The following PTPN13 variants were observed in gnomAD, a reference collection of about 807,000 sequenced individuals.
PTPN13 encodes the protein tyrosine-protein phosphatase non-receptor type 13.
In PTPN13, 191 loss-of-function variants were observed where a neutral mutation model predicts 284.0. The ratio of observed to expected loss-of-function variants is 0.67; its 90% CI spans 0.60 to 0.76. The LOEUF (loss-of-function observed/expected upper bound fraction) is 0.76. PTPN13 is among the 30% of genes least tolerant of loss of function. The probability of loss-of-function intolerance (pLI) is 0.00; values close to 1 mark genes in which losing one functional copy is unlikely to be tolerated. For synonymous variants in PTPN13, 986 were observed against 1,022.3 expected, an observed-to-expected ratio of 0.96 and a Z score of 0.68; for missense variants, 2,797 against 2,939.9, an observed-to-expected ratio of 0.95 and a Z score of 1.12.
intron 1 of PTPN13, among the ~76,000 whole-genome samples, chr4:86,623,616 A>T (rs1478516820): frequency 6.6e-6 from 1 of 152,152 alleles, no homozygotes; most frequent in Non-Finnish European, 1.5e-5. Flanking sequence ...AGAATTTTAG[A>T]CTTTAGGGAT....
At chr4:86,609,624 A>G (rs538061533) in intron 1 of PTPN13, among the ~76,000 whole-genome samples, 1 of 152,318 alleles carries the variant, frequency 6.6e-6, no homozygotes, top group Admixed American at 6.5e-5. Flanking sequence ...ATTAAATAGC[A>G]TAACTTATTT....
At chr4:86,782,906 C>A (rs144380540) in intron 37 of PTPN13, among the ~76,000 whole-genome samples, 26 of 152,130 alleles carry the variant, frequency 1.7e-4, no homozygotes, top group African/African-American at 6.0e-4. Context: ...TTGTGGTTTT[C>A]TTCCTGGTAT....
At chr4:86,680,415 C>G (rs1468408833) in intron 3 of PTPN13, among the ~76,000 whole-genome samples, 1 of 151,808 alleles carries the variant, frequency 6.6e-6, no homozygotes, top group Non-Finnish European at 1.5e-5. Context: ...ATCTCTATCT[C>G]TGTCTCCATC....
At chr4:86,767,398 A>G (rs1739459588) in intron 27 of PTPN13, among the ~76,000 whole-genome samples, 1 of 151,938 alleles carries the variant, frequency 6.6e-6, no homozygotes, top group Non-Finnish European at 1.5e-5. Context: ...GGTGCCCACC[A>G]CGACACCTGG....
At chr4:86,628,364 A>G (rs955370721) in intron 1 of PTPN13, among the ~76,000 whole-genome samples, 1 of 151,978 alleles carries the variant, frequency 6.6e-6, no homozygotes, top group African/African-American at 2.4e-5. Context: ...TGCCAGCCGT[A>G]TATCTTCTCT....
rs1008339959 is a variant in PTPN13, at chr4:86,691,474, A to C, written c.547-2113A>C. Among the ~76,000 whole-genome samples, 8 of 152,232 alleles carry C rather than the reference A, an allele frequency of 5.3e-5. No individual in the cohort carries two copies. The South Asian group carries it at 1.0e-3, about 20-fold the overall frequency. ...AAGACAAATTTTTACTAAGTATAAT[A>C]ATGCTCCCCTTACCTTTCTATTGCT... On this transcript the variant is annotated intron_variant, in intron 5 of 47. Transcript: ENST00000411767.
At chr4:86,665,451 T>C (rs935171189) in intron 2 of PTPN13, among the ~76,000 whole-genome samples, 1 of 152,186 alleles carries the variant, frequency 6.6e-6, no homozygotes, top group African/African-American at 2.4e-5. Flanking sequence ...ATAAGTCATG[T>C]TTTACCTAAA....
intron 2 of PTPN13, among the ~76,000 whole-genome samples, chr4:86,668,149 C>G (rs1298335389): frequency 6.6e-6 from 1 of 152,100 alleles, no homozygotes; most frequent in Non-Finnish European, 1.5e-5. Flanking sequence ...CATTAGACTA[C>G]TGGAATCAAT....
chr4:86,734,676 A>T (rs963659821), intron 13 of PTPN13, 61 bp from the exon 14 acceptor site: 1 of 1,549,056 alleles, frequency 6.5e-7, no homozygotes, highest in Non-Finnish European at 8.7e-7. Context: ...TGCCTATAAT[A>T]AAAACCACCC....
chr4:86,726,651 C>T lies in PTPN13; in HGVS notation c.1608+4217C>T, dbSNP rs935099916. Reference sequence around the variant, plus strand: ...TGTAGAGAAATGTTTGTGATTTTTACACATTGATTTTGTATCCTGACACTT... The same window carrying T: ...TGTAGAGAAATGTTTGTGATTTTTATACATTGATTTTGTATCCTGACACTT... On this transcript the variant is annotated intron_variant, in intron 10 of 47. Coordinates refer to ENST00000411767, the MANE Select transcript of PTPN13 (RefSeq NM_080683.3). Among the ~76,000 whole-genome samples the T allele has an allele frequency of 2.0e-5, 3 of 149,422 alleles. No homozygotes were observed. The East Asian group carries it at 5.8e-4, about 29-fold the overall frequency.
At chr4:86,722,152 A>AT in intron 9 of PTPN13, 60 bp from the exon 10 acceptor site, 12 of 1,409,530 alleles carry the variant, frequency 8.5e-6, no homozygotes, top group African/African-American at 1.4e-5. Context: ...AATTTGCTTG[A>AT]TTAGCCTTAA....
intron 32 of PTPN13, 128 bp from the exon 33 acceptor site, chr4:86,774,245 A>T (rs1740344005): frequency 3.4e-6 from 3 of 873,846 alleles, no homozygotes; most frequent in East Asian, 5.5e-5. Flanking sequence ...TGACTTCTTC[A>T]CTTGGACAAG....
At chr4:86,649,199 A>G (rs1254802370) in intron 2 of PTPN13, among the ~76,000 whole-genome samples, 1 of 152,078 alleles carries the variant, frequency 6.6e-6, no homozygotes, top group Non-Finnish European at 1.5e-5. Flanking sequence ...TTTCCTATGC[A>G]GAAGCTTTCT....
intron 1 of PTPN13, among the ~76,000 whole-genome samples, chr4:86,618,226 C>G (rs1720803617): frequency 6.6e-6 from 1 of 152,162 alleles, no homozygotes; most frequent in African/African-American, 2.4e-5. Flanking sequence ...TGTCAAAGAT[C>G]AGATAGTTGT....
chr4:86,648,196 C>T (rs1259632667), intron 2 of PTPN13, among the ~76,000 whole-genome samples: 1 of 152,068 alleles, frequency 6.6e-6, no homozygotes, highest in African/African-American at 2.4e-5. Flanking sequence ...TTATTCATCA[C>T]CTCAAGCATT....
At chr4:86,761,138 A>AT (rs1292330881) in intron 23 of PTPN13, among the ~76,000 whole-genome samples, 15 of 112,552 alleles carry the variant, frequency 1.3e-4, no homozygotes, top group Admixed American at 3.0e-4. Flanking sequence ...GTGTGTGTGT[A>AT]AATATATATA....
At chr4:86,799,879 A>G (rs1184753503) in intron 42 of PTPN13, among the ~76,000 whole-genome samples, 1 of 120,036 alleles carries the variant, frequency 8.3e-6, no homozygotes, top group Non-Finnish European at 1.6e-5. Flanking sequence ...TCTGTCGTCC[A>G]GGCTGGAGAA....
Position 86,735,705 on chromosome 4 carries a change from G to A in PTPN13, c.2263G>A (p.Val755Met). ...EELPKLHNTY[V>M]GASEKETELE... ...GTTACCCAAATTGCATAATACCTAT[G>A]TGGGAGCTTCTGAAAAAGAGACAGA... The change falls in exon 15 of 48, where the codon GTG (valine) becomes ATG (methionine). Residue 755 changes from valine to methionine, a missense_variant. Coordinates refer to ENST00000411767, the MANE Select transcript of PTPN13 (RefSeq NM_080683.3). 6.2e-7 allele frequency: 1 copy of A among 1,611,962 alleles called. No individual in the cohort carries two copies. Among genetic ancestry groups the A allele is most frequent in the Non-Finnish European group, 8.5e-7 (1 of 1,179,336 alleles).
intron 43 of PTPN13, 124 bp from the exon 44 acceptor site, chr4:86,805,155 T>G: frequency 1.9e-6 from 1 of 533,910 alleles, no homozygotes; most frequent in East Asian, 3.1e-5. Context: ...ATTTAGGACA[T>G]CTGTATTTAA....
Sources: gnomAD v4.1 joint callset for allele counts (sites outside exome capture counted in the v4.1 genomes callset) on GRCh38, gnomAD v4.1.1 for gene constraint, MANE v1.5 for transcripts, NCBI Gene and HGNC (gene_info 2026-07-23, HGNC 2026-07-21) for gene names.